CCDC30: variants seen among roughly 807,000 people sequenced by gnomAD.
CCDC30 encodes coiled-coil domain-containing protein 30.
A neutral mutation model predicts 100.2 loss-of-function variants in CCDC30; 70 were observed. The ratio of observed to expected loss-of-function variants is 0.70; its 90% CI spans 0.58 to 0.85. CCDC30 has a LOEUF of 0.85. Among genes scored for constraint, CCDC30 ranks in the 40% least tolerant of loss-of-function variants. The pLI, the probability that CCDC30 is intolerant of heterozygous loss-of-function variation, is 0.00. For missense variants in CCDC30, 652 were observed against 771.2 expected (o/e 0.85, Z 1.83); for synonymous variants, 233 against 269.5 (o/e 0.86, Z 1.33).
chr1:42,553,208 T>C (rs1645290819), intron 6 of CCDC30, among the ~76,000 whole-genome samples: 1 of 152,008 alleles, frequency 6.6e-6, no homozygotes, highest in Non-Finnish European at 1.5e-5. Context: ...TTTTTTGTTG[T>C]TGTTTTTGTT....
At chr1:42,566,246 C>A in intron 6 of CCDC30, 50 bp from the exon 11 acceptor site, 1 of 1,420,500 alleles carries the variant, frequency 7.0e-7, no homozygotes, top group Non-Finnish European at 9.8e-7. Context: ...CATGTTTTAC[C>A]AATATTCTTT....
intron 3 of CCDC30, among the ~76,000 whole-genome samples, chr1:42,483,172 A>G (rs1643993167): frequency 6.6e-6 from 1 of 152,066 alleles, no homozygotes; most frequent in African/African-American, 2.4e-5. Flanking sequence ...TATGCCTTCT[A>G]TGGTTTGCTT....
At chr1:42,457,776 A>T in the CCDC30 span, among the ~76,000 whole-genome samples, 3 of 151,978 alleles carry the variant, frequency 2.0e-5, no homozygotes, top group African/African-American at 7.3e-5. Context: ...AACATGGTGA[A>T]ACCCCGTCTC....
intron 11 of CCDC30, among the ~76,000 whole-genome samples, chr1:42,631,165 T>C (rs1243564074): frequency 6.6e-6 from 1 of 152,200 alleles, no homozygotes; most frequent in Non-Finnish European, 1.5e-5. Context: ...AAGCTCTACC[T>C]GCTTTAGGAG....
At chr1:42,537,740 T>C in intron 6 of CCDC30, 1 of 158,266 alleles carries the variant, frequency 6.3e-6, no homozygotes, top group Non-Finnish European at 1.4e-5. Flanking sequence ...GAGGCCAAGG[T>C]GGGCGGATCA....
intron 7 of CCDC30, among the ~76,000 whole-genome samples, chr1:42,573,739 A>G (rs1237125376): frequency 6.6e-6 from 1 of 152,086 alleles, no homozygotes; most frequent in African/African-American, 2.4e-5. Flanking sequence ...ATCCAAATGT[A>G]CTTTAGAAAG....
At chr1:42,564,808 G>A (rs982287869) in intron 6 of CCDC30, among the ~76,000 whole-genome samples, 5 of 151,946 alleles carry the variant, frequency 3.3e-5, no homozygotes, top group Non-Finnish European at 7.4e-5. Context: ...TGCACCCTTT[G>A]ACCAGCATCT....
intron 7 of CCDC30, among the ~76,000 whole-genome samples, chr1:42,576,168 T>C (rs757930418): frequency 6.6e-6 from 1 of 152,080 alleles, no homozygotes; most frequent in Non-Finnish European, 1.5e-5. Flanking sequence ...CATTAGAGGA[T>C]AGATTAGAAA....
intron 12 of CCDC30, among the ~76,000 whole-genome samples, chr1:42,639,464 G>C (rs1647243226): frequency 6.6e-6 from 1 of 152,176 alleles, no homozygotes; most frequent in African/African-American, 2.4e-5. Flanking sequence ...TGTTATGGCA[G>C]CCCTAGGAAA....
chr1:42,539,776 C>T (rs750488812), intron 6 of CCDC30, among the ~76,000 whole-genome samples: 1 of 152,094 alleles, frequency 6.6e-6, no homozygotes, highest in Non-Finnish European at 1.5e-5. Context: ...CTGATTCAAG[C>T]TTGTTCCTTA....
intron 6 of CCDC30, among the ~76,000 whole-genome samples, chr1:42,504,199 C>T (rs1015051229): frequency 5.3e-5 from 8 of 152,230 alleles, no homozygotes; most frequent in South Asian, 2.1e-4. Flanking sequence ...TGCCTTTAAG[C>T]GGTTTTCCGC....
At chr1:42,542,539 C>CTTTTTTTTTTTTTTT (rs58751072) in intron 6 of CCDC30, among the ~76,000 whole-genome samples, 1 of 75,576 alleles carries the variant, frequency 1.3e-5, no homozygotes, top group Non-Finnish European at 2.6e-5. Context: ...TTAAATTTTT[C>CTTTTTTTTTTTTTTT]TTTTTTTTTT....
chr1:42,498,729 A>C, intron 5 of CCDC30, 89 bp from the exon 6 acceptor site: 1 of 532,514 alleles, frequency 1.9e-6, no homozygotes, highest in Non-Finnish European at 2.9e-6. Flanking sequence ...GAATGTATTT[A>C]TATATTACTT....
At chr1:42,650,813 C>T (rs913335871) in intron 15 of CCDC30, among the ~76,000 whole-genome samples, 3 of 151,672 alleles carry the variant, frequency 2.0e-5, no homozygotes, top group African/African-American at 7.3e-5. Context: ...TTTTTTGTAG[C>T]GATGGGGTCT....
upstream of CCDC30, chr1:42,459,821 G>A: frequency 6.2e-7 from 1 of 1,614,184 alleles, no homozygotes; most frequent in Non-Finnish European, 8.5e-7. Context: ...CGGAAACCAA[G>A]TTATTGCTAT....
chr1:42,502,909 T>C (rs1363339610), intron 6 of CCDC30, among the ~76,000 whole-genome samples: 1 of 152,202 alleles, frequency 6.6e-6, no homozygotes, highest in East Asian at 1.9e-4. Flanking sequence ...ATGGATTTTC[T>C]TTTTGAGACA....
intron 6 of CCDC30, among the ~76,000 whole-genome samples, chr1:42,540,356 G>T (rs1037591100): frequency 1.3e-5 from 2 of 152,154 alleles, no homozygotes; most frequent in Middle Eastern, 3.4e-3. Context: ...GTGGGACCTT[G>T]TCAGCAAGGT....
At chr1:42,628,567 C>A (rs1465454311) in intron 11 of CCDC30, among the ~76,000 whole-genome samples, 3 of 152,014 alleles carry the variant, frequency 2.0e-5, no homozygotes, top group African/African-American at 7.3e-5. Flanking sequence ...TGCAAGGGAC[C>A]CAGGGGGAGG....
exon 9 of CCDC30, chr1:42,581,501 GAAC>G (rs1424060561): frequency 6.2e-7 from 1 of 1,612,818 alleles, no homozygotes. Context: ...ATATCAAGAA[GAAC>G]AACAGAAGAG....
Sources: allele counts gnomAD v4.1 joint callset (sites outside exome capture counted in the v4.1 genomes callset), GRCh38; gene constraint gnomAD v4.1.1; transcripts MANE v1.5; gene names NCBI Gene and HGNC (gene_info 2026-07-23, HGNC 2026-07-21).